ZGRF1: variants seen among roughly 807,000 people sequenced by gnomAD.
ZGRF1 encodes the protein 5'-3' DNA helicase ZGRF1.
ZGRF1 carries 196 observed loss-of-function variants against 203.5 expected under a neutral mutation model. The observed-to-expected ratio is 0.96, with a 90% confidence interval of 0.86 to 1.08. The LOEUF (loss-of-function observed/expected upper bound fraction) is 1.08. ZGRF1 is among the 50% of genes least tolerant of loss of function. ZGRF1 has a pLI of 0.00. For missense variants in ZGRF1, 2,326 were observed against 2,416.3 expected (o/e 0.96, Z 0.78); for synonymous variants, 809 against 841.3 (o/e 0.96, Z 0.66).
At chr4:112,626,269 G>GT (rs1441352753) in intron 3 of ZGRF1, among the ~76,000 whole-genome samples, 3 of 151,822 alleles carry the variant, frequency 2.0e-5, no homozygotes, top group African/African-American at 7.3e-5. Flanking sequence ...CAATAAAGCT[G>GT]TTAAAAAAAT....
intron 23 of ZGRF1, 149 bp from the exon 24 acceptor site, chr4:112,547,557 G>A (rs1358236060): frequency 2.2e-5 from 15 of 670,228 alleles, no homozygotes; most frequent in South Asian, 9.5e-5. Context: ...GCTATTAAGC[G>A]CATTAAAGGC....
intron 7 of ZGRF1, 25 bp from the exon 8 acceptor site, chr4:112,609,454 G>T: frequency 8.1e-7 from 1 of 1,231,256 alleles, no homozygotes; most frequent in South Asian, 1.3e-5. Flanking sequence ...ATTAATTTTA[G>T]ATAAACTAAT....
In ZGRF1 at chr4:112,568,956, C is replaced by G. The variant is rs189898702; in HGVS notation, c.4439-5682G>C. Among the ~76,000 whole-genome samples, 139 of 152,112 alleles carry G rather than the reference C, an allele frequency of 9.1e-4. 1 individual carries two copies. The highest frequency in any genetic ancestry group is 1.6e-4 in the Non-Finnish European group (11 of 67,992). On this transcript the variant is annotated intron_variant, in intron 16 of 27. Coordinates refer to ENST00000505019, the MANE Select transcript of ZGRF1 (RefSeq NM_018392.5). ...CTCATCATTCAGGAGGCGGAGGTTG[C>G]AGTGAGCTGAGATCACGCCACTGCA...
intron 4 of ZGRF1, among the ~76,000 whole-genome samples, chr4:112,620,897 T>C (rs937900028): frequency 6.7e-6 from 1 of 148,610 alleles, no homozygotes; most frequent in African/African-American, 2.5e-5. Context: ...CCAGGCATGG[T>C]GGCATGTTCC....
At chr4:112,564,132 T>C (rs1259729099) in intron 16 of ZGRF1, among the ~76,000 whole-genome samples, 2 of 152,182 alleles carry the variant, frequency 1.3e-5, no homozygotes, top group African/African-American at 4.8e-5. Context: ...CATCAGCAAT[T>C]GGAATAGTGC....
chr4:112,620,137 C>G lies in ZGRF1; in HGVS notation c.216G>C (p.Glu72Asp). 4.3e-6 allele frequency: 7 copies of G among 1,612,784 alleles called. No individual in the cohort carries two copies. The highest frequency in any genetic ancestry group is 5.1e-6 in the Non-Finnish European group (6 of 1,179,478). Residue 72 changes from glutamate (E) to aspartate (D), a missense_variant, in exon 5 of 28, where the codon GAG (glutamate) becomes GAC (aspartate). Physicochemically the swap from Glu to Asp is conservative, Grantham distance 45. Transcript: ENST00000505019. The stretch of plus-strand genomic sequence containing the variant: ...TACCTATGGCTCCAGCAACTTTAAC[C>G]TCTTCAACTGTGATTAAGTATCGAT... Reference protein sequence around the residue: ...ESDRYLITVEEVKVAGAIGIV... With the variant: ...ESDRYLITVEDVKVAGAIGIV...
intron 16 of ZGRF1, among the ~76,000 whole-genome samples, chr4:112,564,018 G>A (rs770989691): frequency 3.2e-4 from 48 of 152,234 alleles, no homozygotes; most frequent in Non-Finnish European, 4.3e-4. Flanking sequence ...TTGGCAGTGG[G>A]AACGGACGGC....
intron 24 of ZGRF1, 82 bp downstream of exon 24, chr4:112,547,200 CTAA>C (rs1738973016): frequency 3.0e-6 from 4 of 1,343,632 alleles, no homozygotes; most frequent in Non-Finnish European, 4.0e-6. Flanking sequence ...ACTAAGTCTT[CTAA>C]TATTTTCATT....
chr4:112,604,620 G>C (rs1215148657), intron 9 of ZGRF1, among the ~76,000 whole-genome samples: 1 of 152,140 alleles, frequency 6.6e-6, no homozygotes, highest in Non-Finnish European at 1.5e-5. Flanking sequence ...TAAAATATCA[G>C]GCTCAACTGC....
intron 19 of ZGRF1, among the ~76,000 whole-genome samples, chr4:112,560,387 T>C (rs867798868): frequency 3.3e-5 from 5 of 152,218 alleles, no homozygotes; most frequent in Admixed American, 3.3e-4. Context: ...TTGTAATCAC[T>C]GATATAAAGG....
intron 15 of ZGRF1, among the ~76,000 whole-genome samples, chr4:112,582,375 T>A (rs752757782): frequency 5.3e-5 from 8 of 152,038 alleles, no homozygotes; most frequent in Non-Finnish European, 1.2e-4. Context: ...ATCATTCTAT[T>A]CTCTTACTTC....
At chr4:112,613,756 G>T (rs2046774080) in intron 6 of ZGRF1, among the ~76,000 whole-genome samples, 1 of 151,922 alleles carries the variant, frequency 6.6e-6, no homozygotes, top group African/African-American at 2.4e-5. Context: ...CACCTTATCA[G>T]GTATCCATTT....
chr4:112,539,840 A>C, intron 27 of ZGRF1, 23 bp downstream of exon 27: 1 of 1,611,520 alleles, frequency 6.2e-7, no homozygotes, highest in Non-Finnish European at 8.5e-7. Context: ...GAAATGCATG[A>C]ATTAAACCCA....
chr4:112,595,304 C>A (rs1369326187), intron 10 of ZGRF1, among the ~76,000 whole-genome samples: 3 of 152,110 alleles, frequency 2.0e-5, no homozygotes, highest in Non-Finnish European at 1.5e-5. Context: ...ATATCAAACA[C>A]GTTCTAAGTA....
intron 3 of ZGRF1, among the ~76,000 whole-genome samples, chr4:112,628,459 C>A (rs2047305777): frequency 6.6e-6 from 1 of 152,118 alleles, no homozygotes; most frequent in African/African-American, 2.4e-5. Flanking sequence ...CACTGTCTAC[C>A]AGTAATATGT....
chr4:112,589,997 G>T (rs1204215814), intron 10 of ZGRF1, 123 bp from the exon 11 acceptor site: 3 of 610,614 alleles, frequency 4.9e-6, no homozygotes, highest in Non-Finnish European at 7.9e-6. Flanking sequence ...GTAGAGCTAT[G>T]GTGGGGGCAA....
At chr4:112,575,257 T>A (rs932234819) in intron 16 of ZGRF1, among the ~76,000 whole-genome samples, 10 of 152,138 alleles carry the variant, frequency 6.6e-5, no homozygotes, top group African/African-American at 2.2e-4. Context: ...CTCGTATCCC[T>A]TTTAATAAAG....
chr4:112,633,882 T>G (rs915250840), intron 1 of ZGRF1, among the ~76,000 whole-genome samples: 1 of 152,208 alleles, frequency 6.6e-6, no homozygotes, highest in African/African-American at 2.4e-5. Flanking sequence ...ATGTGACCCC[T>G]GGACCAACAG....
chr4:112,547,284 C>G lies in ZGRF1; in HGVS notation c.5598+1G>C, dbSNP rs202216913. ...TTCCGTAAGAATTCAGCAGTATGTA[C>G]CATTAAGCAAAGTCGATCAAAAAGA... On this transcript the variant is annotated splice_donor_variant, in intron 24 of 27. Transcript: ENST00000505019. LOFTEE classifies it high-confidence loss of function. 2.3e-4 allele frequency: 373 copies of G among 1,611,510 alleles called. 1 individual carries two copies. The highest frequency in any genetic ancestry group is 3.0e-4 in the Non-Finnish European group (350 of 1,179,008).
Sources: gnomAD v4.1 joint callset for allele counts (sites outside exome capture counted in the v4.1 genomes callset) on GRCh38, gnomAD v4.1.1 for gene constraint, MANE v1.5 for transcripts, NCBI Gene and HGNC (gene_info 2026-07-23, HGNC 2026-07-21) for gene names.